The following CDC42BPB variants were observed in gnomAD, a reference collection of about 807,000 sequenced individuals.
CDC42BPB encodes the protein serine/threonine-protein kinase MRCK beta.
Under a neutral mutation model 214.9 loss-of-function variants are expected in CDC42BPB, and 37 were observed. That is an observed-to-expected ratio of 0.17 (90% CI 0.13 to 0.23). CDC42BPB has a LOEUF of 0.23. Among genes scored for constraint, CDC42BPB ranks in the 10% least tolerant of loss-of-function variants. CDC42BPB has a pLI of 1.00. For synonymous variants in CDC42BPB, 931 were observed against 884.0 expected, an observed-to-expected ratio of 1.05 and a Z score of -0.94; for missense variants, 1,694 against 2,227.0, an observed-to-expected ratio of 0.76 and a Z score of 4.82.
At position 102,944,686 on chromosome 14, in the gene CDC42BPB, C is replaced by T; in HGVS notation, c.3812-199G>A. 2 of 985,192 alleles carry T rather than the reference C, an allele frequency of 2.0e-6. No individual in the cohort carries two copies. Among genetic ancestry groups the T allele is most frequent in the Non-Finnish European group, 2.4e-6 (2 of 829,718 alleles). 61.0% of individuals were successfully genotyped at this position (985,192 alleles called of 1,614,324 possible). A position where few individuals can be genotyped will look rare whatever the true frequency, so the allele number is the denominator to read the frequency against. ...GCTTGAACGCCCCCCGGAGAAGCTGCCCCACATCCACAGCGCGCTCCTGGG... is the reference window on the plus strand; with the variant it reads ...GCTTGAACGCCCCCCGGAGAAGCTGTCCCACATCCACAGCGCGCTCCTGGG... On this transcript the variant is annotated intron_variant, in intron 29 of 36. Transcript: ENST00000361246. This position sits in a 1 kb window ranked among gnomAD's most constrained non-coding sequence, Gnocchi z 6.6.
chr14:102,940,434 T>C, intron 30 of CDC42BPB, 110 bp from the exon 31 acceptor site: 1 of 1,509,256 alleles, frequency 6.6e-7, no homozygotes, highest in Non-Finnish European at 8.9e-7. Context: ...GCGGCAGCAC[T>C]GCCCTCAGCT....
chr14:102,934,486 A>ATC (rs1728533491), intron 36 of CDC42BPB, among the ~76,000 whole-genome samples: 1 of 152,178 alleles, frequency 6.6e-6, no homozygotes, highest in South Asian at 2.1e-4. Flanking sequence ...GTGAGCCGAG[A>ATC]CTGCACCACT....
In CDC42BPB at chr14:102,943,509, T is replaced by C. The variant is rs935492734; in HGVS notation, c.4408+382A>G. 1.3e-5 allele frequency among the ~76,000 whole-genome samples: 2 copies of C among 152,246 alleles called. No homozygotes were observed. The highest frequency in any genetic ancestry group is 4.1e-4 in the South Asian group (2 of 4,820). ...TCTGGCCACCAAAACCCCTCAAGCT[T>C]GTCTTTACTACTGTGTAAGTTTCTG... On this transcript the variant is annotated intron_variant, in intron 30 of 36. Coordinates refer to ENST00000361246, the MANE Select transcript of CDC42BPB (RefSeq NM_006035.4). This position sits in a 1 kb window ranked among gnomAD's most constrained non-coding sequence, Gnocchi z 4.6.
intron 5 of CDC42BPB, among the ~76,000 whole-genome samples, chr14:102,999,246 C>T (rs975252274): frequency 2.0e-5 from 3 of 149,916 alleles, no homozygotes; most frequent in African/African-American, 7.4e-5. Flanking sequence ...CCGGGGCCCA[C>T]GTGAGCCCCA....
chr14:103,029,153 T>C (rs1450297856), intron 1 of CDC42BPB, among the ~76,000 whole-genome samples: 1 of 152,230 alleles, frequency 6.6e-6, no homozygotes, highest in East Asian at 1.9e-4. Context: ...TATTTAGACA[T>C]TGACTCTGCA....
chr14:102,949,589 T>TA (rs1383380715), intron 26 of CDC42BPB, among the ~76,000 whole-genome samples, 176 bp downstream of exon 26: 1 of 152,174 alleles, frequency 6.6e-6, no homozygotes, highest in Non-Finnish European at 1.5e-5. Context: ...TGTCTGTTCA[T>TA]ACGCATGTGA....
At chr14:102,970,112 C>T (rs1338995286) in intron 14 of CDC42BPB, 39 bp downstream of exon 14, 2 of 1,486,420 alleles carry the variant, frequency 1.3e-6, no homozygotes, top group Non-Finnish European at 1.9e-6. Flanking sequence ...AGATAAGCAT[C>T]CCTCTCAGTT....
intron 1 of CDC42BPB, among the ~76,000 whole-genome samples, chr14:103,051,252 C>G (rs1040883196): frequency 6.6e-6 from 1 of 151,588 alleles, no homozygotes; most frequent in Non-Finnish European, 1.5e-5. Flanking sequence ...TTCTCATTAG[C>G]AAGAGAGGCT....
intron 1 of CDC42BPB, among the ~76,000 whole-genome samples, chr14:103,053,548 T>G (rs576907398): frequency 2.0e-5 from 3 of 151,470 alleles, no homozygotes; most frequent in East Asian, 2.0e-4. Flanking sequence ...GATCACGAGG[T>G]CTGGAGATCG....
intron 5 of CDC42BPB, among the ~76,000 whole-genome samples, chr14:102,990,855 A>T (rs1894460690): frequency 6.6e-6 from 1 of 152,200 alleles, no homozygotes; most frequent in African/African-American, 2.4e-5. Flanking sequence ...TAAGATAGTG[A>T]ATTAAAAACC....
chr14:102,945,447 G>A lies in CDC42BPB; in HGVS notation c.3811+215C>T, dbSNP rs191229731. The A allele has an allele frequency of 6.6e-4, 374 of 568,492 alleles. 2 individuals carry two copies. The highest frequency in any genetic ancestry group is 1.3e-3 in the Admixed American group (48 of 37,916). 35.2% of individuals were successfully genotyped at this position (568,492 alleles called of 1,614,324 possible). ...TTTCCTTGACCCCCCACCCACTCCC[G>A]CTCAGTGCTCCCCTTGAAGAACTCG... On this transcript the variant is annotated intron_variant, in intron 29 of 36. Transcript: ENST00000361246.
In CDC42BPB at chr14:103,005,234, A is replaced by T. The variant is rs187935413; in HGVS notation, c.352-1211T>A. On this transcript the variant is annotated intron_variant, in intron 3 of 36. Transcript: ENST00000361246. Reference sequence around the variant, plus strand: ...ACATGATTTCCTCTTTATTGAGCACAGAACAAGATTCAAACTGTCTTACAT... The same window carrying T: ...ACATGATTTCCTCTTTATTGAGCACTGAACAAGATTCAAACTGTCTTACAT... Among the ~76,000 whole-genome samples the T allele has an allele frequency of 2.0e-5, 3 of 152,204 alleles. No homozygotes were observed. In the East Asian group the frequency reaches 5.8e-4, roughly 29 times the overall value.
At chr14:103,055,916 T>C (rs1888921012) in intron 1 of CDC42BPB, among the ~76,000 whole-genome samples, 1 of 152,202 alleles carries the variant, frequency 6.6e-6, no homozygotes, top group Non-Finnish European at 1.5e-5. Flanking sequence ...GTGACGCAAA[T>C]GACCCAAGGA....
At chr14:102,933,909 C>T (rs1400319070) in intron 36 of CDC42BPB, 66 bp from the exon 37 acceptor site, 2 of 1,457,074 alleles carry the variant, frequency 1.4e-6, no homozygotes, top group East Asian at 2.9e-5. Flanking sequence ...GCGTGCCCAG[C>T]TGGATGCAAA....
chr14:102,984,809 A>G (rs1894161268), intron 6 of CDC42BPB, among the ~76,000 whole-genome samples: 2 of 152,182 alleles, frequency 1.3e-5, no homozygotes, highest in South Asian at 4.1e-4. Flanking sequence ...ACAGGGTCCA[A>G]GCAGCACCCC....
Position 103,057,008 on chromosome 14 carries a change from G to C in CDC42BPB, c.166C>G (p.Leu56Val). 6.8e-7 allele frequency: 1 copy of C among 1,471,086 alleles called. No individual in the cohort carries two copies. Among genetic ancestry groups the C allele is most frequent in the Non-Finnish European group, 9.0e-7 (1 of 1,112,638 alleles). The allele number at this position is 1,471,086 out of a possible 1,614,324, so 91.1% of individuals were successfully genotyped here. ...GCCGGCGCGCACTTACCCCACTCGA[G>C]GAACTCGGCCACGTACTTGTCGCGG... ...LRRDKYVAEFLEWAKPFTQLV... is the reference protein window; with the variant it reads ...LRRDKYVAEFVEWAKPFTQLV... Residue 56 changes from leucine (L) to valine (V), a missense_variant, in exon 1 of 37, where the codon CTC (leucine) becomes GTC (valine). Transcript: ENST00000361246.
intron 1 of CDC42BPB, among the ~76,000 whole-genome samples, chr14:103,035,944 G>T (rs1269635100): frequency 6.6e-6 from 1 of 152,004 alleles, no homozygotes; most frequent in Non-Finnish European, 1.5e-5. Flanking sequence ...TTTAGCTCAG[G>T]AGTTCGAAAC....
Position 103,040,248 on chromosome 14 carries a change from G to A in CDC42BPB, c.175+16751C>T, listed in dbSNP as rs28691149. On this transcript the variant is annotated intron_variant, in intron 1 of 36. Transcript: ENST00000361246. ...CGGGTGCCTGCAATCCCAGCTACTC[G>A]GGAGGCTGAGGCAGGAGAATCGCTT... Among the ~76,000 whole-genome samples the A allele has an allele frequency of 6.0e-3, 906 of 151,804 alleles. 11 individuals are homozygous for A. Among genetic ancestry groups the A allele is most frequent in the African/African-American group, 0.021 (870 of 41,442 alleles).
chr14:102,967,956 G>A (rs1363516092), intron 16 of CDC42BPB, among the ~76,000 whole-genome samples: 12 of 152,118 alleles, frequency 7.9e-5, no homozygotes, highest in African/African-American at 1.4e-4. Flanking sequence ...TTAGCCAGGC[G>A]TGGTGGCAGA....
Sources: allele counts gnomAD v4.1 joint callset (sites outside exome capture counted in the v4.1 genomes callset), GRCh38; gene constraint gnomAD v4.1.1; non-coding constraint Gnocchi (gnomAD v3.1); transcripts MANE v1.5; gene names NCBI Gene and HGNC (gene_info 2026-07-23, HGNC 2026-07-21).